The following KLHL29 variants were observed in gnomAD, a reference collection of about 807,000 sequenced individuals.
KLHL29 encodes the protein kelch like family member 29, also known as kelch-like protein 29.
KLHL29 carries 21 observed loss-of-function variants against 80.4 expected under a neutral mutation model. The ratio of observed to expected loss-of-function variants is 0.26; its 90% CI spans 0.19 to 0.38. The LOEUF (loss-of-function observed/expected upper bound fraction) is 0.38, where lower values mean the gene tolerates loss of function less well. Ranked by LOEUF, KLHL29 falls within the 10% of genes least tolerant of loss-of-function variation. KLHL29 has a pLI of 1.00. For synonymous variants in KLHL29, 511 were observed against 526.8 expected (o/e 0.97, Z 0.41); for missense variants, 867 against 1,223.9 (o/e 0.71, Z 4.35).
At chr2:23,418,240 C>T (rs764560305) in intron 1 of KLHL29, among the ~76,000 whole-genome samples, 2 of 152,178 alleles carry the variant, frequency 1.3e-5, no homozygotes, top group African/African-American at 4.8e-5. Context: ...ACCTGGACCC[C>T]GCCATGGAGC....
intron 3 of KLHL29, among the ~76,000 whole-genome samples, chr2:23,607,523 C>G (rs941805325): frequency 6.6e-6 from 1 of 152,116 alleles, no homozygotes; most frequent in Non-Finnish European, 1.5e-5. Context: ...CCAGTCATAC[C>G]CTATCTTATA....
intron 2 of KLHL29, among the ~76,000 whole-genome samples, chr2:23,520,980 T>C (rs115643426): frequency 0.031 from 4,099 of 133,556 alleles, 87 homozygotes; most frequent in South Asian, 0.049. Context: ...CTGCTTTCAT[T>C]TTACAAAGAC....
At chr2:23,524,010 C>T in intron 2 of KLHL29, 1 of 471,724 alleles carries the variant, frequency 2.1e-6, no homozygotes, top group Non-Finnish European at 4.4e-6. Flanking sequence ...ACCAGCGTTG[C>T]TCTGTCATGT....
chr2:23,701,793 C>CTTTTTTTTTTTTTTTT lies in KLHL29; in HGVS notation c.2106-1382_2106-1367dup, dbSNP rs70941586. 2.2e-4 allele frequency among the ~76,000 whole-genome samples: 5 copies of CTTTTTTTTTTTTTTTT among 22,544 alleles called. 2 individuals carry two copies. The highest frequency in any genetic ancestry group is 2.0e-4 in the Non-Finnish European group (2 of 10,144). The allele number at this position is 22,544 out of a possible 152,430, so 14.8% of individuals were successfully genotyped here. On this transcript the variant is annotated intron_variant, in intron 11 of 13. Transcript: ENST00000486442. ...GCTTCGCACACATGGCTTTTTTTTGCTTTTTTTTTTTTTTTTTTTTTTTTT... is the reference window on the plus strand; with the variant it reads ...GCTTCGCACACATGGCTTTTTTTTGCTTTTTTTTTTTTTTTTTTTTTTTTTTTTTTTTTTTTTTTTT...
chr2:23,526,187 T>C (rs954577707), intron 2 of KLHL29, among the ~76,000 whole-genome samples: 3 of 152,164 alleles, frequency 2.0e-5, no homozygotes, highest in African/African-American at 7.2e-5. Context: ...GGAAGCTGCA[T>C]GGAGTGTGCA....
intron 5 of KLHL29, among the ~76,000 whole-genome samples, chr2:23,652,145 C>T (rs183441520): frequency 1.4e-4 from 21 of 152,340 alleles, no homozygotes; most frequent in East Asian, 5.8e-4. Context: ...TTCAGTGATT[C>T]GCTTGAACAT....
At chr2:23,699,027 C>CTT (rs1672185128) in intron 11 of KLHL29, among the ~76,000 whole-genome samples, 1 of 152,238 alleles carries the variant, frequency 6.6e-6, no homozygotes, top group Non-Finnish European at 1.5e-5. Flanking sequence ...CAAAAAGACA[C>CTT]TTACTCCATT....
At chr2:23,566,343 A>G (rs1667589374) in intron 3 of KLHL29, among the ~76,000 whole-genome samples, 2 of 152,198 alleles carry the variant, frequency 1.3e-5, no homozygotes, top group African/African-American at 2.4e-5. Flanking sequence ...CTCATTCTAC[A>G]GGTCACAGTA....
rs78569031 is a variant in KLHL29 at position 23,387,871 on chromosome 2, T to C, written c.-154+2091T>C. 8.7e-3 allele frequency among the ~76,000 whole-genome samples: 1,323 copies of C among 152,332 alleles called. 20 individuals carry two copies. Among genetic ancestry groups the C allele is most frequent in the African/African-American group, 0.027 (1,137 of 41,560 alleles). On this transcript the variant is annotated intron_variant, in intron 1 of 13. Transcript: ENST00000486442. Reference sequence around the variant, plus strand: ...ATTTAATGGCATTTAAATTGGTTTATGGGCTGATGCATCTAACCAATTTTA... The same window carrying C: ...ATTTAATGGCATTTAAATTGGTTTACGGGCTGATGCATCTAACCAATTTTA...
intron 2 of KLHL29, among the ~76,000 whole-genome samples, chr2:23,517,625 T>TGCGG (rs10701294): frequency 2.6e-5 from 4 of 152,216 alleles, no homozygotes; most frequent in Non-Finnish European, 5.9e-5. Context: ...CTTTTTAACA[T>TGCGG]GTGCAGAGTG....
chr2:23,387,515 T>TA (rs200483730), intron 1 of KLHL29, among the ~76,000 whole-genome samples: 94 of 52,092 alleles, frequency 1.8e-3, no homozygotes, highest in African/African-American at 7.2e-3. Flanking sequence ...TTATTATTAT[T>TA]ATTATTATTA....
chr2:23,678,704 T>C (rs1201381840), intron 5 of KLHL29, among the ~76,000 whole-genome samples: 1 of 152,232 alleles, frequency 6.6e-6, no homozygotes, highest in Non-Finnish European at 1.5e-5. Context: ...ATGTGGTATC[T>C]ACATACAGTG....
intron 2 of KLHL29, among the ~76,000 whole-genome samples, chr2:23,533,116 C>T (rs1038757869): frequency 2.0e-5 from 3 of 152,046 alleles, no homozygotes; most frequent in East Asian, 3.9e-4. Flanking sequence ...TTCCTGAGCA[C>T]GTAAAGTGGT....
chr2:23,557,297 C>G (rs2879581), intron 2 of KLHL29, among the ~76,000 whole-genome samples: 82,665 of 151,676 alleles, frequency 0.55, 22,799 homozygotes, highest in Admixed American at 0.6. Context: ...CACCTTTGGT[C>G]CTTTAACTGT....
At position 23,695,930 on chromosome 2, in the gene KLHL29, C is replaced by T. The variant is rs570625479; in HGVS notation, c.1742-21C>T. The T allele has an allele frequency of 4.1e-5, 64 of 1,548,296 alleles. No homozygotes were observed. The East Asian group carries it at 7.8e-4, about 19-fold the overall frequency. On this transcript the variant is annotated intron_variant, in intron 9 of 13. Transcript: ENST00000486442. This position sits in a 1 kb window ranked among gnomAD's most constrained non-coding sequence, Gnocchi z 7.6. ...ACAGTCTTAGAGTGTGTCCCAAGGG[C>T]GCCCATCCATGTCCCTGCAGGTGTG...
At chr2:23,504,269 C>G (rs949189676) in intron 2 of KLHL29, among the ~76,000 whole-genome samples, 1 of 152,152 alleles carries the variant, frequency 6.6e-6, no homozygotes, top group Admixed American at 6.5e-5. Flanking sequence ...TGTCAGAGAT[C>G]TAGAACGTTA....
At position 23,703,844 on chromosome 2, in the gene KLHL29, C is replaced by G; in HGVS notation, c.2425C>G (p.His809Asp). 1 of 1,537,124 alleles carries G rather than the reference C, an allele frequency of 6.5e-7. No homozygotes were observed. Reference sequence around the variant, plus strand: ...CATTAAGGCGGGCCCAAACATGAACCACTCTCGCCAGTTCTGCAGGTGAGA... The same window carrying G: ...CATTAAGGCGGGCCCAAACATGAACGACTCTCGCCAGTTCTGCAGGTGAGA... ...GNIKAGPNMN[H>D]SRQFCSAVVL... The change falls in exon 13 of 14, where the codon CAC (histidine) becomes GAC (aspartate). Residue 809 changes from histidine (H) to aspartate (D), a missense_variant. Around this residue, in one of 2 missense-constraint regions of KLHL29, gnomAD observed 443 missense variants for 767.0 expected, o/e 0.58. Coordinates refer to ENST00000486442, the MANE Select transcript of KLHL29 (RefSeq NM_052920.2).
At chr2:23,615,495 G>A (rs927379068) in intron 3 of KLHL29, among the ~76,000 whole-genome samples, 5 of 152,154 alleles carry the variant, frequency 3.3e-5, no homozygotes, top group Admixed American at 6.5e-5. Context: ...GAGTCAGCCT[G>A]TAGAAAGGGG....
chr2:23,632,741 C>T (rs1231242955), intron 3 of KLHL29, among the ~76,000 whole-genome samples: 2 of 152,246 alleles, frequency 1.3e-5, no homozygotes, highest in South Asian at 2.1e-4. Flanking sequence ...CAGCATTCAC[C>T]ACCAGTGCTG....
Sources: allele counts gnomAD v4.1 joint callset (sites outside exome capture counted in the v4.1 genomes callset), GRCh38; gene constraint gnomAD v4.1.1; regional missense constraint gnomAD v4.1.1; non-coding constraint Gnocchi (gnomAD v3.1); transcripts MANE v1.5; gene names NCBI Gene and HGNC (gene_info 2026-07-23, HGNC 2026-07-21).